Variants in LAMA3 observed in about 807,000 individuals in gnomAD.
LAMA3 encodes laminin subunit alpha 3, also known as laminin subunit alpha-3.
LAMA3 carries 281 observed loss-of-function variants against 402.0 expected under a neutral mutation model. The observed-to-expected ratio is 0.70, with a 90% CI of 0.63 to 0.77. LAMA3 has a LOEUF of 0.77. Among genes scored for constraint, LAMA3 ranks in the 30% least tolerant of loss-of-function variants. The pLI, the probability that LAMA3 is intolerant of heterozygous loss-of-function variation, is 0.00. For missense variants in LAMA3, 3,840 were observed against 4,215.5 expected (o/e 0.91, Z 2.47); for synonymous variants, 1,431 against 1,558.4 (o/e 0.92, Z 1.93).
At chr18:23,934,536 T>C (rs982329000) in intron 67 of LAMA3, among the ~76,000 whole-genome samples, 20 of 152,026 alleles carry the variant, frequency 1.3e-4, no homozygotes, top group African/African-American at 4.6e-4. Flanking sequence ...TTGTGATGAG[T>C]TGAACACAGG....
intron 11 of LAMA3, among the ~76,000 whole-genome samples, chr18:23,780,984 C>G (rs1448478818): frequency 6.6e-6 from 1 of 152,138 alleles, no homozygotes; most frequent in Non-Finnish European, 1.5e-5. Flanking sequence ...AGGAAGTTCT[C>G]AAAATAATCC....
chr18:23,801,431 C>T (rs2062864459), intron 12 of LAMA3, among the ~76,000 whole-genome samples: 1 of 152,114 alleles, frequency 6.6e-6, no homozygotes, highest in South Asian at 2.1e-4. Flanking sequence ...AACAAACCTA[C>T]ACATGTACCC....
At chr18:23,889,574 A>G (rs2080571435) in intron 41 of LAMA3, among the ~76,000 whole-genome samples, 1 of 151,040 alleles carries the variant, frequency 6.6e-6, no homozygotes. Context: ...GAAAAGAAAG[A>G]AAGAAAGAAA....
At chr18:23,915,178 A>G (rs2081570027) in intron 58 of LAMA3, 111 bp from the exon 59 acceptor site, 2 of 1,257,444 alleles carry the variant, frequency 1.6e-6, no homozygotes, top group Admixed American at 3.8e-5. Flanking sequence ...TCCAGGGTTC[A>G]CATTCTTAAT....
At chr18:23,830,339 C>T (rs562553842) in intron 23 of LAMA3, among the ~76,000 whole-genome samples, 3 of 152,054 alleles carry the variant, frequency 2.0e-5, no homozygotes, top group Non-Finnish European at 4.4e-5. Context: ...GCCACTACAC[C>T]ATACTCCTCC....
chr18:23,861,698 C>G lies in LAMA3; in HGVS notation c.4475C>G (p.Pro1492Arg). 1.2e-6 allele frequency: 2 copies of G among 1,614,194 alleles called. No individual in the cohort carries two copies. Among genetic ancestry groups the G allele is most frequent in the African/African-American group, 1.3e-5 (1 of 75,046 alleles). The change falls in exon 35 of 75, where the codon CCT (proline) becomes CGT (arginine). Residue 1492 changes from proline (P) to arginine (R), a missense_variant. Transcript: ENST00000313654. ...HLETADRVDI[P>R]VSFNPGSNSM... ...GAGACAGCAGACAGAGTGGACATCCCTGTCTCTTTCAACCCAGGCAGCAAC... is the reference window on the plus strand; with the variant it reads ...GAGACAGCAGACAGAGTGGACATCCGTGTCTCTTTCAACCCAGGCAGCAAC...
At chr18:23,951,630 G>A in intron 72 of LAMA3, 54 bp from the exon 73 acceptor site, 1 of 1,432,544 alleles carries the variant, frequency 7.0e-7, no homozygotes, top group Non-Finnish European at 9.8e-7. Flanking sequence ...GGCAGGGGAA[G>A]GTCGGCTCCA....
chr18:23,761,562 A>G (rs1357967223), intron 7 of LAMA3, among the ~76,000 whole-genome samples: 1 of 152,232 alleles, frequency 6.6e-6, no homozygotes, highest in Non-Finnish European at 1.5e-5. Flanking sequence ...TTAGAGAGTT[A>G]CTGCACAGAT....
At chr18:23,835,231 C>T (rs1480569463) in intron 24 of LAMA3, among the ~76,000 whole-genome samples, 1 of 152,196 alleles carries the variant, frequency 6.6e-6, no homozygotes, top group African/African-American at 2.4e-5. Flanking sequence ...GTTCGGCTCT[C>T]CAGCTCCTTC....
chr18:23,858,106 G>A (rs1598935758), intron 33 of LAMA3, 118 bp downstream of exon 33: 2 of 1,179,654 alleles, frequency 1.7e-6, no homozygotes, highest in Non-Finnish European at 2.5e-6. Flanking sequence ...GATGTTGATA[G>A]TGTATGTAGC....
At chr18:23,880,222 T>C (rs1408800144) in intron 39 of LAMA3, among the ~76,000 whole-genome samples, 1 of 152,146 alleles carries the variant, frequency 6.6e-6, no homozygotes, top group African/African-American at 2.4e-5. Flanking sequence ...TCTGGACCCA[T>C]AGTGCAGTGA....
At chr18:23,891,235 A>G (rs532671946) in intron 42 of LAMA3, among the ~76,000 whole-genome samples, 4 of 152,330 alleles carry the variant, frequency 2.6e-5, no homozygotes, top group African/African-American at 9.6e-5. Flanking sequence ...CTCAGAGAAC[A>G]TATAGTGAGG....
intron 34 of LAMA3, among the ~76,000 whole-genome samples, 188 bp from the exon 35 acceptor site, chr18:23,861,458 A>C (rs1170162228): frequency 2.0e-5 from 3 of 152,236 alleles, no homozygotes; most frequent in Admixed American, 2.0e-4. Flanking sequence ...GCCTTCCCAG[A>C]ACTCCCAGTG....
chr18:23,809,553 T>G (rs1348939780), intron 12 of LAMA3, among the ~76,000 whole-genome samples: 2 of 152,204 alleles, frequency 1.3e-5, no homozygotes, highest in African/African-American at 4.8e-5. Context: ...GGGGACGACC[T>G]TGTGCAACTC....
intron 32 of LAMA3, among the ~76,000 whole-genome samples, chr18:23,854,485 C>CA (rs1205115812): frequency 6.6e-6 from 1 of 150,774 alleles, no homozygotes; most frequent in Non-Finnish European, 1.5e-5. Flanking sequence ...ACTAAAAATA[C>CA]AAAAAATTAG....
chr18:23,701,491 C>T lies in LAMA3; in HGVS notation c.294+11514C>T, dbSNP rs180903207. 3.3e-5 allele frequency among the ~76,000 whole-genome samples: 5 copies of T among 152,344 alleles called. No individual in the cohort carries two copies. In the East Asian group the frequency reaches 9.6e-4, roughly 29 times the overall value. On this transcript the variant is annotated intron_variant, in intron 1 of 74. Coordinates refer to ENST00000313654, the MANE Select transcript of LAMA3 (RefSeq NM_198129.4). ...TGACACAGGTATCAGTCTGCAATTA[C>T]TGCCTTCCTTCCTGTGGTTGGTTAA...
At chr18:23,825,031 A>C (rs2063354278) in intron 21 of LAMA3, among the ~76,000 whole-genome samples, 1 of 152,142 alleles carries the variant, frequency 6.6e-6, no homozygotes. Flanking sequence ...ATAACCTAGA[A>C]GACAAGCAGA....
At chr18:23,777,074 AGAT>A (rs1394652248) in intron 10 of LAMA3, among the ~76,000 whole-genome samples, 4 of 152,074 alleles carry the variant, frequency 2.6e-5, no homozygotes, top group African/African-American at 7.2e-5. Flanking sequence ...TCCTGACCTC[AGAT>A]TATCTGCCTG....
chr18:23,839,023 C>A lies in LAMA3; in HGVS notation c.3191+145C>A. On this transcript the variant is annotated intron_variant, in intron 26 of 74. Coordinates refer to ENST00000313654, the MANE Select transcript of LAMA3 (RefSeq NM_198129.4). This position sits in a 1 kb window ranked among gnomAD's most constrained non-coding sequence, Gnocchi z 4.5. Reference sequence around the variant, plus strand: ...GGTGGATTTAAAACAGAAAGAAAAACCAGCTAAATAATTTACCCCAGCAGT... The same window carrying A: ...GGTGGATTTAAAACAGAAAGAAAAAACAGCTAAATAATTTACCCCAGCAGT... 3 of 695,652 alleles carry A rather than the reference C, an allele frequency of 4.3e-6. No individual in the cohort carries two copies. The Admixed American group carries it at 6.4e-5, about 15-fold the overall frequency. 43.1% of individuals were successfully genotyped at this position (695,652 alleles called of 1,614,324 possible).
Sources: gnomAD v4.1 joint callset for allele counts (sites outside exome capture counted in the v4.1 genomes callset) on GRCh38, gnomAD v4.1.1 for gene constraint, Gnocchi (gnomAD v3.1) non-coding constraint, MANE v1.5 for transcripts, NCBI Gene and HGNC (gene_info 2026-07-23, HGNC 2026-07-21) for gene names.